FRMPD4: variants seen among roughly 807,000 people sequenced by gnomAD.
FRMPD4 encodes the protein FERM and PDZ domain-containing protein 4.
FRMPD4 carries 22 observed loss-of-function variants against 94.1 expected under a neutral mutation model. The ratio of observed to expected loss-of-function variants is 0.23; its 90% CI spans 0.17 to 0.33. FRMPD4 has a LOEUF of 0.33. Among genes scored for constraint, FRMPD4 ranks in the 10% least tolerant of loss-of-function variants. The pLI is 1.00. For missense variants in FRMPD4, 1,111 were observed against 1,339.9 expected, an observed-to-expected ratio of 0.83 and a Z score of 2.67; for synonymous variants, 631 against 548.6, an observed-to-expected ratio of 1.15 and a Z score of -2.10.
intron 2 of FRMPD4, among the ~76,000 whole-genome samples, chrX:12,571,682 A>G (rs762297151): frequency 1.2e-4 from 14 of 112,290 alleles, no homozygotes; most frequent in Non-Finnish European, 5.6e-5. Context: ...TCTATTCTTG[A>G]CTCATCCCCA....
chrX:11,947,110 T>G (rs958142982), intron 3 of FRMPD4, among the ~76,000 whole-genome samples: 1 of 110,668 alleles, frequency 9.0e-6, no homozygotes, highest in African/African-American at 3.3e-5. Flanking sequence ...TAGAGCAGAG[T>G]CCCCCACCCC....
chrX:12,161,111 T>G (rs2056018711), intron 1 of FRMPD4, among the ~76,000 whole-genome samples: 2 of 111,127 alleles, frequency 1.8e-5, no homozygotes, highest in African/African-American at 6.5e-5. Context: ...TGCTGCTGTT[T>G]CCACTACCAT....
intron 1 of FRMPD4, among the ~76,000 whole-genome samples, chrX:12,303,546 AAG>A (rs1393298373): frequency 5.4e-5 from 6 of 111,977 alleles, no homozygotes; most frequent in Non-Finnish European, 1.1e-4. Context: ...ATGACTATGA[AAG>A]TGTGGGTCTA....
chrX:11,841,687 T>A (rs1311170950), intron 1 of FRMPD4, among the ~76,000 whole-genome samples: 140 of 109,484 alleles, frequency 1.3e-3, no homozygotes, highest in Non-Finnish European at 1.6e-3. Flanking sequence ...TTTTCTCCCA[T>A]GTTGTAGGTT....
At chrX:12,613,574 A>G (rs1007102618) in intron 3 of FRMPD4, among the ~76,000 whole-genome samples, 2 of 112,771 alleles carry the variant, frequency 1.8e-5, no homozygotes, top group African/African-American at 6.4e-5. Flanking sequence ...GGCCAGGCAC[A>G]GTGGCTCAAG....
chrX:12,387,601 C>T (rs2056414463), intron 1 of FRMPD4, among the ~76,000 whole-genome samples: 3 of 110,999 alleles, frequency 2.7e-5, no homozygotes, highest in Non-Finnish European at 5.7e-5. Context: ...AACATCTTGC[C>T]GGAAATCCCT....
intron 3 of FRMPD4, among the ~76,000 whole-genome samples, chrX:12,068,309 T>A (rs1300471624): frequency 8.9e-6 from 1 of 112,268 alleles, no homozygotes; most frequent in Non-Finnish European, 1.9e-5. Flanking sequence ...AAATTAACAC[T>A]GCTTTAAGCG....
intron 3 of FRMPD4, among the ~76,000 whole-genome samples, chrX:12,071,026 C>A (rs187598755): frequency 1.8e-5 from 2 of 111,976 alleles, no homozygotes; most frequent in East Asian, 2.8e-4. Flanking sequence ...GAGAGACTGG[C>A]TAAATAATCC....
In FRMPD4 at chrX:12,718,741, C is replaced by G; in HGVS notation, c.3915C>G (p.Gly1305=). The change falls in exon 16 of 17, where the codon GGC becomes GGG. Residue 1305 remains glycine (G), a synonymous_variant. Transcript: ENST00000675598. ...CCATTAACACCGAACCCCTGTTTGG[C>G]ACATTGAGAGATGGATGCCATCGGC... ...HTAINTEPLF[G]TLRDGCHRLP... 1 of 1,208,484 alleles carries G rather than the reference C, an allele frequency of 8.3e-7. No homozygotes were observed. The highest frequency in any genetic ancestry group is 1.7e-5 in the African/African-American group (1 of 57,791).
At position 12,004,555 on chromosome X, in the gene FRMPD4, C is replaced by T. The variant is rs193074515; in HGVS notation, c.95+126537C>T. Among the ~76,000 whole-genome samples, 15 of 111,842 alleles carry T rather than the reference C, an allele frequency of 1.3e-4. No homozygotes were observed. In the Admixed American group the frequency reaches 1.4e-3, roughly 11 times the overall value. ...ATATTGTTTGTTGCCTTGGTGTTGG[C>T]TGACCCACTTAAAAATAGGAACAAA... On this transcript the variant is annotated intron_variant, in intron 3 of 18. Coordinates refer to the FRMPD4 transcript ENST00000640291.
chrX:11,856,384 T>G (rs1181254013), intron 1 of FRMPD4, among the ~76,000 whole-genome samples: 2 of 111,867 alleles, frequency 1.8e-5, no homozygotes. Context: ...ATTCCCGGGA[T>G]GCAAGGTTGG....
intron 1 of FRMPD4, among the ~76,000 whole-genome samples, chrX:12,394,714 A>C (rs1225871225): frequency 2.7e-5 from 3 of 110,618 alleles, no homozygotes; most frequent in Non-Finnish European, 5.7e-5. Context: ...CAGTGAAAAA[A>C]GTCATTTGTT....
chrX:12,372,902 G>A (rs2056182274), intron 1 of FRMPD4, among the ~76,000 whole-genome samples: 1 of 111,860 alleles, frequency 8.9e-6, no homozygotes, highest in Non-Finnish European at 1.9e-5. Context: ...CTGCAGGGCC[G>A]AACACCATCT....
chrX:11,850,367 A>T (rs1011256946), intron 1 of FRMPD4, among the ~76,000 whole-genome samples: 42 of 112,713 alleles, frequency 3.7e-4, no homozygotes, highest in African/African-American at 1.4e-3. Context: ...AAAATATTGC[A>T]ACAACTATAG....
intron 1 of FRMPD4, among the ~76,000 whole-genome samples, chrX:12,379,208 G>A (rs1375846232): frequency 8.9e-6 from 1 of 112,016 alleles, no homozygotes; most frequent in Non-Finnish European, 1.9e-5. Context: ...TGTTTGTTAG[G>A]TTTAAATCAA....
At chrX:12,263,542 A>G (rs755959315) in intron 1 of FRMPD4, among the ~76,000 whole-genome samples, 2 of 111,792 alleles carry the variant, frequency 1.8e-5, no homozygotes, top group East Asian at 2.8e-4. Flanking sequence ...CTAAAGGCCT[A>G]TGCTGGCTTC....
At chrX:11,835,210 G>A (rs1024372171) in intron 1 of FRMPD4, among the ~76,000 whole-genome samples, 1 of 111,990 alleles carries the variant, frequency 8.9e-6, no homozygotes, top group African/African-American at 3.2e-5. Flanking sequence ...ACACTCAGAA[G>A]AGCCCATTCT....
chrX:12,478,920 A>G (rs1017568643), intron 1 of FRMPD4, among the ~76,000 whole-genome samples: 9 of 111,836 alleles, frequency 8.0e-5, no homozygotes, highest in African/African-American at 2.9e-4. Context: ...TGGACACTCA[A>G]CTAGCTTGGC....
At chrX:12,418,388 T>C (rs1182493807) in intron 1 of FRMPD4, among the ~76,000 whole-genome samples, 1 of 97,382 alleles carries the variant, frequency 1.0e-5, no homozygotes, top group Non-Finnish European at 2.0e-5. Flanking sequence ...AGATAGAGTC[T>C]CGCTCTGTTG....
Sources: gnomAD v4.1 joint callset for allele counts (sites outside exome capture counted in the v4.1 genomes callset) on GRCh38, gnomAD v4.1.1 for gene constraint, MANE v1.5 for transcripts, NCBI Gene and HGNC (gene_info 2026-07-23, HGNC 2026-07-21) for gene names.